The following PARD3 variants were observed in gnomAD, a reference collection of about 807,000 sequenced individuals.
PARD3 encodes the protein par-3 family cell polarity regulator.
Under a neutral mutation model 155.4 loss-of-function variants are expected in PARD3, and 75 were observed. The ratio of observed to expected loss-of-function variants is 0.48; its 90% CI spans 0.40 to 0.58. The LOEUF (loss-of-function observed/expected upper bound fraction) is 0.58. PARD3 is among the 20% of genes least tolerant of loss of function. The probability of loss-of-function intolerance (pLI) is 0.00; values close to 1 mark genes in which losing one functional copy is unlikely to be tolerated. For missense variants in PARD3, 1,642 were observed against 1,721.7 expected (o/e 0.95, Z 0.82); for synonymous variants, 576 against 610.5 (o/e 0.94, Z 0.83).
intron 22 of PARD3, among the ~76,000 whole-genome samples, chr10:34,145,190 T>C (rs1413901105): frequency 5.9e-5 from 3 of 50,868 alleles, no homozygotes; most frequent in African/African-American, 1.2e-4. Flanking sequence ...TGTGTGTGTG[T>C]ATATATATAT....
Position 34,111,032 on chromosome 10 carries a change from C to T in PARD3, c.*137G>A, listed in dbSNP as rs1946357658. 1.1e-6 allele frequency: 1 copy of T among 915,370 alleles called. No homozygotes were observed. The allele number at this position is 915,370 out of a possible 1,614,324, so 56.7% of individuals were successfully genotyped here. A position where few individuals can be genotyped will look rare whatever the true frequency, so the allele number is the denominator to read the frequency against. ...TTAAGGCCTTCCATTTCTTTGCCTA[C>T]ACCGCTTAAAGGCACTGATACCAAC... On this transcript the variant is annotated 3_prime_UTR_variant, in exon 25 of 25. Coordinates refer to ENST00000374788, the MANE Select transcript of PARD3 (RefSeq NM_001184785.2).
At chr10:34,450,714 A>C (rs2077011371) in intron 4 of PARD3, among the ~76,000 whole-genome samples, 1 of 152,000 alleles carries the variant, frequency 6.6e-6, no homozygotes, top group Non-Finnish European at 1.5e-5. Flanking sequence ...TACACTTTGC[A>C]CTCCTACCCA....
intron 20 of PARD3, among the ~76,000 whole-genome samples, chr10:34,294,135 A>T (rs73254664): frequency 9.6e-4 from 146 of 152,348 alleles, no homozygotes; most frequent in African/African-American, 3.2e-3. Flanking sequence ...TCGGGTTGCC[A>T]TCTGCCTACT....
At chr10:34,804,041 T>G (rs865936836) in intron 1 of PARD3, among the ~76,000 whole-genome samples, 48 of 151,140 alleles carry the variant, frequency 3.2e-4, no homozygotes, top group Non-Finnish European at 5.5e-4. Context: ...TTTTGTTTTT[T>G]TTTTTTTTTT....
chr10:34,155,440 G>C lies in PARD3; in HGVS notation c.3420-23857C>G, dbSNP rs138659944. Among the ~76,000 whole-genome samples the C allele has an allele frequency of 1.2e-4, 19 of 152,308 alleles. No homozygotes were observed. The East Asian group carries it at 1.4e-3, about 11-fold the overall frequency. ...CATTTTAGGAGCTGTAAGGCTAATG[G>C]ATGGGGCTTAGTTAGCATATTGGAA... On this transcript the variant is annotated intron_variant, in intron 22 of 24. Transcript: ENST00000374788.
intron 22 of PARD3, among the ~76,000 whole-genome samples, chr10:34,138,059 G>A (rs1446067868): frequency 6.6e-6 from 1 of 152,172 alleles, no homozygotes; most frequent in Non-Finnish European, 1.5e-5. Context: ...CATAGGCCCT[G>A]CCCACAAGTG....
At chr10:34,132,855 T>C (rs1278993163) in intron 22 of PARD3, among the ~76,000 whole-genome samples, 1 of 151,912 alleles carries the variant, frequency 6.6e-6, no homozygotes, top group Non-Finnish European at 1.5e-5. Flanking sequence ...CCAGGCTCCA[T>C]GAACAGACAA....
chr10:34,448,166 C>CGTGTGTGTGTGT (rs1564725579), intron 5 of PARD3, among the ~76,000 whole-genome samples: 2 of 122,622 alleles, frequency 1.6e-5, no homozygotes, highest in African/African-American at 7.0e-5. Flanking sequence ...TGTGTGTGTA[C>CGTGTGTGTGTGT]ACATAAATGT....
At chr10:34,358,684 T>A (rs1391820029) in intron 14 of PARD3, among the ~76,000 whole-genome samples, 1 of 152,100 alleles carries the variant, frequency 6.6e-6, no homozygotes, top group Non-Finnish European at 1.5e-5. Context: ...CACAGTGAGA[T>A]CCTGTCTCAA....
intron 2 of PARD3, among the ~76,000 whole-genome samples, chr10:34,655,718 T>C (rs1339309020): frequency 6.6e-6 from 1 of 152,172 alleles, no homozygotes; most frequent in East Asian, 1.9e-4. Flanking sequence ...ACAAGCTGTT[T>C]AACCAAGAGC....
intron 22 of PARD3, among the ~76,000 whole-genome samples, chr10:34,201,067 C>G (rs572491672): frequency 6.6e-6 from 1 of 152,190 alleles, no homozygotes; most frequent in Non-Finnish European, 1.5e-5. Flanking sequence ...ACAGGGAGGC[C>G]TCTTGGAATA....
intron 5 of PARD3, among the ~76,000 whole-genome samples, chr10:34,431,645 C>T (rs1389248315): frequency 1.4e-5 from 2 of 145,966 alleles, no homozygotes; most frequent in African/African-American, 2.5e-5. Context: ...GAGGCTGAGG[C>T]AACAGAATTG....
chr10:34,680,322 G>A (rs1463738812), intron 2 of PARD3, among the ~76,000 whole-genome samples: 1 of 152,122 alleles, frequency 6.6e-6, no homozygotes, highest in Non-Finnish European at 1.5e-5. Flanking sequence ...ACTTTGGGAG[G>A]CCGAGGCGGG....
intron 5 of PARD3, among the ~76,000 whole-genome samples, chr10:34,421,575 C>T (rs1345263140): frequency 1.3e-5 from 2 of 152,000 alleles, no homozygotes. Flanking sequence ...TGCTAAAAGC[C>T]ATGAACTCTT....
At chr10:34,261,751 A>C (rs1954988278) in intron 22 of PARD3, among the ~76,000 whole-genome samples, 1 of 84,744 alleles carries the variant, frequency 1.2e-5, no homozygotes. Context: ...GAAGAAAGGA[A>C]GGAAGAAAGG....
At chr10:34,812,718 G>A (rs1844346875) in intron 1 of PARD3, among the ~76,000 whole-genome samples, 1 of 152,054 alleles carries the variant, frequency 6.6e-6, no homozygotes, top group Non-Finnish European at 1.5e-5. Flanking sequence ...TACTTAAAGA[G>A]CATGTAAGTG....
chr10:34,457,709 T>G (rs1180978228), intron 4 of PARD3, among the ~76,000 whole-genome samples: 1 of 152,064 alleles, frequency 6.6e-6, no homozygotes, highest in Non-Finnish European at 1.5e-5. Context: ...CAAGCGATCC[T>G]CCCATCTCAG....
intron 23 of PARD3, among the ~76,000 whole-genome samples, chr10:34,130,614 C>T (rs1157780491): frequency 6.6e-6 from 1 of 152,194 alleles, no homozygotes; most frequent in Non-Finnish European, 1.5e-5. Flanking sequence ...CTCAGAAGTG[C>T]TGTCATCTCT....
chr10:34,768,850 C>T (rs147561443), intron 1 of PARD3, among the ~76,000 whole-genome samples: 60 of 152,318 alleles, frequency 3.9e-4, no homozygotes, highest in African/African-American at 1.3e-3. Context: ...ACTCAGGGTG[C>T]GGCTCCACCC....
Sources: allele counts gnomAD v4.1 joint callset (sites outside exome capture counted in the v4.1 genomes callset), GRCh38; gene constraint gnomAD v4.1.1; transcripts MANE v1.5; gene names NCBI Gene and HGNC (gene_info 2026-07-23, HGNC 2026-07-21).